PPIG: variants seen among roughly 807,000 people sequenced by gnomAD.
PPIG encodes peptidylprolyl isomerase G.
A neutral mutation model predicts 87.9 loss-of-function variants in PPIG; 26 were observed. That is an observed-to-expected ratio of 0.30 (90% CI 0.22 to 0.41). The LOEUF (loss-of-function observed/expected upper bound fraction) is 0.41, where lower values mean the gene tolerates loss of function less well. Ranked by LOEUF, PPIG falls within the 10% of genes least tolerant of loss-of-function variation. The probability of loss-of-function intolerance (pLI) is 1.00; values close to 1 mark genes in which losing one functional copy is unlikely to be tolerated. For synonymous variants in PPIG, 308 were observed against 276.5 expected (o/e 1.11, Z -1.13); for missense variants, 722 against 879.4 (o/e 0.82, Z 2.26).
intron 7 of PPIG, among the ~76,000 whole-genome samples, chr2:169,613,910 C>T (rs543047541): frequency 1.3e-5 from 2 of 152,274 alleles, no homozygotes; most frequent in Admixed American, 6.5e-5. Context: ...TGGACAACAG[C>T]ATGAGACCCT....
chr2:169,633,526 A>G (rs1574465619), intron 12 of PPIG: 1 of 485,066 alleles, frequency 2.1e-6, no homozygotes, highest in Non-Finnish European at 3.5e-6. Context: ...CTGTATCTCT[A>G]TTCTTGTTAA....
chr2:169,587,066 T>C lies in PPIG; in HGVS notation c.-70+2576T>C, dbSNP rs1006435195. The stretch of plus-strand genomic sequence containing the variant: ...CTCACGCCTCAGCCTCCCTAGTAGC[T>C]GGGAGTACAGGTGCCTGCCACCACA... On this transcript the variant is annotated intron_variant, in intron 1 of 13. Transcript: ENST00000260970. Among the ~76,000 whole-genome samples the C allele has an allele frequency of 2.0e-5, 3 of 152,230 alleles. No individual in the cohort carries two copies. The East Asian group carries it at 5.8e-4, about 29-fold the overall frequency.
At chr2:169,602,195 T>G (rs1179088144) in intron 1 of PPIG, among the ~76,000 whole-genome samples, 1 of 150,542 alleles carries the variant, frequency 6.6e-6, no homozygotes, top group Non-Finnish European at 1.5e-5. Context: ...CCCCAGGATA[T>G]CTCGTGTATG....
chr2:169,598,152 C>A (rs571020769), intron 1 of PPIG, among the ~76,000 whole-genome samples: 2 of 152,200 alleles, frequency 1.3e-5, no homozygotes, highest in South Asian at 4.2e-4. Context: ...AGGCATGCAT[C>A]ACTATGCCCA....
chr2:169,620,904 G>T (rs1308988071), intron 9 of PPIG, among the ~76,000 whole-genome samples: 1 of 151,926 alleles, frequency 6.6e-6, no homozygotes, highest in Non-Finnish European at 1.5e-5. Context: ...ACTAATCTAG[G>T]GAATAATAAT....
intron 6 of PPIG, among the ~76,000 whole-genome samples, chr2:169,607,452 A>G (rs1685364247): frequency 6.6e-6 from 1 of 152,190 alleles, no homozygotes; most frequent in African/African-American, 2.4e-5. Flanking sequence ...AAGGAGATTC[A>G]GCAATATTTC....
Position 169,637,572 on chromosome 2 carries a change from G to A in PPIG, c.*49G>A. The stretch of plus-strand genomic sequence containing the variant: ...ATTCTGTTTCGGATTTTAAGTTTGA[G>A]AGACTTGCTAATGAATCTCCTTTAT... On this transcript the variant is annotated 3_prime_UTR_variant, in exon 14 of 14. Coordinates refer to ENST00000260970, the MANE Select transcript of PPIG (RefSeq NM_004792.3). 2 of 1,449,202 alleles carry A rather than the reference G, an allele frequency of 1.4e-6. No homozygotes were observed. Among genetic ancestry groups the A allele is most frequent in the Non-Finnish European group, 1.8e-6 (2 of 1,093,178 alleles). The allele number at this position is 1,449,202 out of a possible 1,614,324, so 89.8% of individuals were successfully genotyped here.
At chr2:169,636,390 C>A in intron 13 of PPIG, 23 bp from the exon 14 acceptor site, 1 of 1,495,302 alleles carries the variant, frequency 6.7e-7, no homozygotes, top group South Asian at 1.4e-5. Context: ...AACATTTCCC[C>A]AATTCTTTTT....
At position 169,584,463 on chromosome 2, in the gene PPIG, A is replaced by G. The variant is rs1206501417; in HGVS notation, c.-97A>G. The G allele has an allele frequency of 1.9e-5, 9 of 470,770 alleles. No homozygotes were observed. The highest frequency in any genetic ancestry group is 1.8e-4 in the African/African-American group (9 of 50,076). The allele number at this position is 470,770 out of a possible 1,614,324, so 29.2% of individuals were successfully genotyped here. On this transcript the variant is annotated 5_prime_UTR_variant, in exon 1 of 14. Transcript: ENST00000260970. The stretch of plus-strand genomic sequence containing the variant: ...TGAAGCGCTTCAAAGGACCGGACCC[A>G]GAGAAGAGGAAAACTCTACCGGTGC...
intron 1 of PPIG, chr2:169,584,913 C>T (rs948148078): frequency 9.7e-6 from 2 of 207,062 alleles, no homozygotes; most frequent in Non-Finnish European, 2.0e-5. Context: ...GGTGGCGGGA[C>T]TGGTGGGGAA....
Position 169,606,113 on chromosome 2 carries a change from G to T in PPIG, c.211G>T (p.Asp71Tyr). The T allele has an allele frequency of 6.2e-7, 1 of 1,612,372 alleles. No homozygotes were observed. Among genetic ancestry groups the T allele is most frequent in the Non-Finnish European group, 8.5e-7 (1 of 1,178,522 alleles). The change falls in exon 5 of 14, where the codon GAT becomes TAT. Residue 71 changes from aspartate (D) to tyrosine (Y), a missense_variant. This residue lies in a region of PPIG where 99 missense variants were observed against 215.8 expected (regional missense o/e 0.46). Coordinates refer to ENST00000260970, the MANE Select transcript of PPIG (RefSeq NM_004792.3). Reference sequence around the variant, plus strand: ...TTGTCTCTTTCACAGAGTTGTCAAGGATTTTATGGTTCAAGGTGGTGACTT... The same window carrying T: ...TTGTCTCTTTCACAGAGTTGTCAAGTATTTTATGGTTCAAGGTGGTGACTT... ...KSCLFHRVVK[D>Y]FMVQGGDFSE...
chr2:169,597,387 C>T (rs868548882), intron 1 of PPIG, among the ~76,000 whole-genome samples: 23 of 152,002 alleles, frequency 1.5e-4, no homozygotes, highest in Non-Finnish European at 2.8e-4. Context: ...TCAAAATCCT[C>T]GGCTGAAAGA....
intron 11 of PPIG, 76 bp downstream of exon 11, chr2:169,632,009 CA>C: frequency 1.5e-6 from 2 of 1,339,248 alleles, no homozygotes; most frequent in Non-Finnish European, 1.9e-6. Flanking sequence ...TTATTTTAAA[CA>C]AGATTTAATT....
intron 1 of PPIG, among the ~76,000 whole-genome samples, chr2:169,598,796 GTAT>G (rs1190760142): frequency 8.3e-6 from 1 of 120,004 alleles, no homozygotes; most frequent in Non-Finnish European, 1.7e-5. Flanking sequence ...ATTTATCAAA[GTAT>G]TATAAATATT....
chr2:169,636,494 A>T lies in PPIG; in HGVS notation c.1236A>T (p.Val412=). The change falls in exon 14 of 14, where the codon GTA becomes GTT. Residue 412 remains valine, a synonymous_variant. Coordinates refer to ENST00000260970, the MANE Select transcript of PPIG (RefSeq NM_004792.3). The part of the protein sequence containing the change: ...KERKITDHRN[V]SESPNRKNEK... ...GAAAAATAACAGATCACAGGAATGT[A>T]TCTGAGAGTCCAAACAGAAAAAATG... 6.2e-7 allele frequency: 1 copy of T among 1,606,822 alleles called. No homozygotes were observed. Among genetic ancestry groups the T allele is most frequent in the East Asian group, 2.2e-5 (1 of 44,726 alleles).
chr2:169,590,147 G>T (rs894600758), intron 1 of PPIG, among the ~76,000 whole-genome samples: 12 of 150,042 alleles, frequency 8.0e-5, no homozygotes, highest in African/African-American at 2.4e-4. Context: ...AAAAAGAAAA[G>T]AAAAGAAAAA....
intron 1 of PPIG, among the ~76,000 whole-genome samples, chr2:169,596,485 T>A (rs1377594755): frequency 6.6e-6 from 1 of 152,130 alleles, no homozygotes; most frequent in African/African-American, 2.4e-5. Context: ...GTGCCAGAAG[T>A]AATGCCAGCA....
At chr2:169,610,479 A>ATTT (rs56049675) in intron 7 of PPIG, among the ~76,000 whole-genome samples, 14 of 148,438 alleles carry the variant, frequency 9.4e-5, no homozygotes, top group East Asian at 5.9e-4. Flanking sequence ...TAGTTTTGAT[A>ATTT]TTTTTTTTTT....
intron 7 of PPIG, among the ~76,000 whole-genome samples, chr2:169,610,711 T>G (rs998524531): frequency 6.6e-6 from 1 of 152,176 alleles, no homozygotes; most frequent in African/African-American, 2.4e-5. Context: ...TTTCTCACTT[T>G]CCCTTTCTTA....
Sources: gnomAD v4.1 joint callset for allele counts (sites outside exome capture counted in the v4.1 genomes callset) on GRCh38, gnomAD v4.1.1 for gene constraint, gnomAD v4.1.1 regional missense constraint, MANE v1.5 for transcripts, NCBI Gene and HGNC (gene_info 2026-07-23, HGNC 2026-07-21) for gene names.